Variants in MTCL1 observed in about 807,000 individuals in gnomAD.
MTCL1 encodes microtubule crosslinking factor 1, also known as microtubule cross-linking factor 1.
MTCL1 carries 79 observed loss-of-function variants against 141.4 expected under a neutral mutation model. The observed-to-expected ratio is 0.56, with a 90% CI of 0.47 to 0.67. MTCL1 has a LOEUF of 0.67. Ranked by LOEUF, MTCL1 falls within the 30% of genes least tolerant of loss-of-function variation. The pLI is 0.00. For missense variants in MTCL1, 2,177 were observed against 2,113.9 expected, an observed-to-expected ratio of 1.03 and a Z score of -0.59; for synonymous variants, 914 against 875.8, an observed-to-expected ratio of 1.04 and a Z score of -0.77.
chr18:8,819,673 A>G (rs891065950), intron 13 of MTCL1, among the ~76,000 whole-genome samples: 1 of 151,794 alleles, frequency 6.6e-6, no homozygotes. Flanking sequence ...TCTGATAACG[A>G]CTCACCACAG....
chr18:8,827,213 C>T (rs555962528), intron 15 of MTCL1, among the ~76,000 whole-genome samples: 7 of 152,330 alleles, frequency 4.6e-5, no homozygotes, highest in East Asian at 3.9e-4. Context: ...CTGGTCTGCC[C>T]GCTGCTTCCT....
At chr18:8,743,196 G>A (rs575466579) in intron 4 of MTCL1, among the ~76,000 whole-genome samples, 1 of 152,326 alleles carries the variant, frequency 6.6e-6, no homozygotes, top group Admixed American at 6.5e-5. Flanking sequence ...CATTGTTCTA[G>A]CTGGCTAGTA....
At chr18:8,740,801 A>G (rs1383102913) in intron 4 of MTCL1, among the ~76,000 whole-genome samples, 2 of 152,116 alleles carry the variant, frequency 1.3e-5, no homozygotes, top group Non-Finnish European at 2.9e-5. Flanking sequence ...TCAATTTTAG[A>G]TTACTCCTTT....
At chr18:8,776,730 T>C (rs532475313) in intron 4 of MTCL1, among the ~76,000 whole-genome samples, 4 of 58,150 alleles carry the variant, frequency 6.9e-5, no homozygotes, top group Admixed American at 5.5e-4. Flanking sequence ...TAGTTATTTA[T>C]TTATTTATTT....
chr18:8,814,936 C>T (rs547710291), intron 12 of MTCL1, among the ~76,000 whole-genome samples: 2 of 152,280 alleles, frequency 1.3e-5, no homozygotes, highest in African/African-American at 4.8e-5. Context: ...TGTGGTGATA[C>T]TCAACTTTCG....
intron 10 of MTCL1, among the ~76,000 whole-genome samples, chr18:8,805,570 A>G (rs998055836): frequency 1.3e-5 from 2 of 152,280 alleles, no homozygotes; most frequent in East Asian, 1.9e-4. Context: ...TAGAAGCATG[A>G]CTGTGGAGTG....
chr18:8,809,118 T>C lies in MTCL1; in HGVS notation c.2604+2058T>C, dbSNP rs139761335. 9.8e-5 allele frequency among the ~76,000 whole-genome samples: 15 copies of C among 152,302 alleles called. No individual in the cohort carries two copies. The East Asian group carries it at 2.7e-3, about 27-fold the overall frequency. ...GAGGGGAAAGAATAATTTTAAGGAA[T>C]TGATACTTTAATCCTGATTTTATCA... On this transcript the variant is annotated intron_variant, in intron 11 of 16. Transcript: ENST00000359865.
chr18:8,796,146 G>C, intron 8 of MTCL1, 86 bp from the exon 8 acceptor site: 2 of 1,305,146 alleles, frequency 1.5e-6, no homozygotes, highest in Non-Finnish European at 2.2e-6. Flanking sequence ...CAGAGACTGA[G>C]TGGCAGTTTG....
chr18:8,783,351 C>T (rs1392257872), intron 5 of MTCL1, among the ~76,000 whole-genome samples, 179 bp from the exon 5 acceptor site: 2 of 152,094 alleles, frequency 1.3e-5, no homozygotes. Context: ...CTCCACAAAG[C>T]CCCTGGGCCC....
intron 4 of MTCL1, among the ~76,000 whole-genome samples, chr18:8,771,349 C>T (rs560591477): frequency 6.6e-6 from 1 of 152,064 alleles, no homozygotes; most frequent in African/African-American, 2.4e-5. Flanking sequence ...ACCTCTGCAC[C>T]TTCATTTCCT....
At chr18:8,717,197 G>A (rs983673617), upstream of MTCL1, among the ~76,000 whole-genome samples, 1 of 152,096 alleles carries the variant, frequency 6.6e-6, no homozygotes, top group African/African-American at 2.4e-5. Context: ...TGTTAGTGTA[G>A]GTGACAGACA....
chr18:8,763,026 A>G (rs908999359), intron 4 of MTCL1, among the ~76,000 whole-genome samples: 1 of 152,200 alleles, frequency 6.6e-6, no homozygotes, highest in African/African-American at 2.4e-5. Context: ...AAAGTCTTCT[A>G]TATAGTCTAC....
intron 2 of MTCL1, chr18:8,717,967 GTT>G: frequency 9.9e-7 from 1 of 1,005,302 alleles, no homozygotes; most frequent in Non-Finnish European, 1.2e-6. Context: ...TTGCAGGTAT[GTT>G]TTAGTTCCAG....
At chr18:8,805,744 A>G (rs1471927928) in intron 10 of MTCL1, among the ~76,000 whole-genome samples, 3 of 152,206 alleles carry the variant, frequency 2.0e-5, no homozygotes, top group South Asian at 4.1e-4. Flanking sequence ...GAGAGCTTTT[A>G]TAACTCTTGC....
At position 8,779,714 on chromosome 18, in the gene MTCL1, T is replaced by C. The variant is rs1424176234; in HGVS notation, c.417+1822T>C. ...GGACAGTCTTTCTTTCAAACCCTGC[T>C]TTAGTCTTGGTGGCAGGCCTCATAG... On this transcript the variant is annotated intron_variant, in intron 5 of 16. Coordinates refer to ENST00000359865, the Ensembl canonical transcript of MTCL1. The surrounding 1 kb of genome is among the most constrained non-coding windows in gnomAD (Gnocchi z 4.1). Among the ~76,000 whole-genome samples the C allele has an allele frequency of 3.3e-5, 5 of 152,154 alleles. No individual in the cohort carries two copies. The highest frequency in any genetic ancestry group is 4.8e-5 in the African/African-American group (2 of 41,444).
intron 4 of MTCL1, among the ~76,000 whole-genome samples, chr18:8,741,891 C>G (rs2096305372): frequency 6.6e-6 from 1 of 152,158 alleles, no homozygotes; most frequent in Non-Finnish European, 1.5e-5. Context: ...GGGTGGGCAT[C>G]CTCTGGCAGA....
At chr18:8,720,478 G>C (rs1244656038) in exon 4 of MTCL1, 1 of 1,613,992 alleles carries the variant, frequency 6.2e-7, no homozygotes, top group Admixed American at 1.7e-5. Flanking sequence ...TCCAGAATGA[G>C]CTGGAGAGAC....
intron 12 of MTCL1, among the ~76,000 whole-genome samples, chr18:8,813,574 T>C (rs2076558083): frequency 6.6e-6 from 1 of 152,236 alleles, no homozygotes; most frequent in South Asian, 2.1e-4. Flanking sequence ...TCAGGTCTTA[T>C]TCAATTGAAA....
At chr18:8,724,895 A>G (rs1163130234) in intron 4 of MTCL1, among the ~76,000 whole-genome samples, 1 of 151,634 alleles carries the variant, frequency 6.6e-6, no homozygotes, top group African/African-American at 2.4e-5. Flanking sequence ...TCCTGTGCCT[A>G]TTCACTCTTG....
Sources: gnomAD v4.1 joint callset for allele counts (sites outside exome capture counted in the v4.1 genomes callset) on GRCh38, gnomAD v4.1.1 for gene constraint, Gnocchi (gnomAD v3.1) non-coding constraint, MANE v1.5 for transcripts, NCBI Gene and HGNC (gene_info 2026-07-23, HGNC 2026-07-21) for gene names.